DACT3: variants seen among roughly 807,000 people sequenced by gnomAD.
DACT3 encodes dapper homolog 3.
In DACT3, 5 loss-of-function variants were observed where a neutral mutation model predicts 19.6. The observed-to-expected ratio is 0.26, with a 90% CI of 0.13 to 0.54. The LOEUF (loss-of-function observed/expected upper bound fraction) is 0.54, where lower values mean the gene tolerates loss of function less well. Ranked by LOEUF, DACT3 falls within the 20% of genes least tolerant of loss-of-function variation. The pLI, the probability that DACT3 is intolerant of heterozygous loss-of-function variation, is 0.95. For missense variants in DACT3, 908 were observed against 927.4 expected (o/e 0.98, Z 0.27); for synonymous variants, 454 against 428.1 (o/e 1.06, Z -0.75).
At chr19:46,653,539 T>TTTTATTTATTTATTTATTTATTTATTTA (rs113003822) in intron 1 of DACT3, among the ~76,000 whole-genome samples, 312 of 141,214 alleles carry the variant, frequency 2.2e-3, no homozygotes, top group Non-Finnish European at 3.5e-3. Flanking sequence ...CTTTTTTTAT[T>TTTTATTTATTTATTTATTTATTTATTTA]TTTATTTATT....
chr19:46,658,558 C>A (rs528890376), intron 1 of DACT3, among the ~76,000 whole-genome samples: 67 of 152,244 alleles, frequency 4.4e-4, no homozygotes, highest in African/African-American at 1.6e-3. Flanking sequence ...AGACGCCCCC[C>A]AAAAATATTC....
intron 1 of DACT3, chr19:46,654,963 T>G: frequency 1.0e-6 from 1 of 985,298 alleles, no homozygotes; most frequent in Non-Finnish European, 1.2e-6. Context: ...ATTGAGATGC[T>G]CACAGTGAAG....
intron 1 of DACT3, chr19:46,654,994 A>G (rs1599791825): frequency 4.1e-6 from 4 of 985,418 alleles, no homozygotes; most frequent in Non-Finnish European, 4.8e-6. Flanking sequence ...GCGGAACTCA[A>G]AAAAGCAGCT....
chr19:46,653,274 C>T (rs1483537373), intron 1 of DACT3, among the ~76,000 whole-genome samples, 199 bp from the exon 2 acceptor site: 1 of 152,066 alleles, frequency 6.6e-6, no homozygotes, highest in Non-Finnish European at 1.5e-5. Flanking sequence ...TCTGACGTTC[C>T]AACTCCAGTC....
intron 1 of DACT3, chr19:46,654,312 C>G (rs985612462): frequency 7.2e-6 from 5 of 696,760 alleles, no homozygotes; most frequent in Non-Finnish European, 8.8e-6. Flanking sequence ...ATGGTGAAAC[C>G]TTGTCTCCCT....
In DACT3 at chr19:46,649,608, G is replaced by C; in HGVS notation, c.764C>G (p.Ala255Gly). 8.8e-7 allele frequency: 1 copy of C among 1,131,606 alleles called. No homozygotes were observed. The highest frequency in any genetic ancestry group is 1.7e-5 in the African/African-American group (1 of 59,866). The allele number at this position is 1,131,606 out of a possible 1,614,324, so 70.1% of individuals were successfully genotyped here. The change falls in exon 4 of 4, where the codon GCG (alanine) becomes GGG (glycine). Residue 255 changes from alanine to glycine, a missense_variant. Around this residue, in one of 2 missense-constraint regions of DACT3, gnomAD observed 656 missense variants for 601.8 expected, o/e 1.09. Transcript: ENST00000391916. Reference protein sequence around the residue: ...AGRPLDGYISALLRRRRRRGA... With the variant: ...AGRPLDGYISGLLRRRRRRGA... ...CCGGCGGCGGCGCCTGCGCAGGAGC[G>C]CCGAGATGTAGCCGTCCAGGGGCCG...
In DACT3 at chr19:46,647,632, T is replaced by C. The variant is rs999855257; in HGVS notation, c.*850A>G. The C allele has an allele frequency of 1.2e-4, 18 of 152,590 alleles. No homozygotes were observed. Among genetic ancestry groups the C allele is most frequent in the Admixed American group, 1.1e-3 (17 of 15,272 alleles). The allele number at this position is 152,590 out of a possible 1,614,324, so 9.5% of individuals were successfully genotyped here. A position where few individuals can be genotyped will look rare whatever the true frequency, so the allele number is the denominator to read the frequency against. ...CCACATATGTTACACTGTGCATTTA[T>C]TTACAAAGAGGTTAGAGAAACACAC... On this transcript the variant is annotated 3_prime_UTR_variant, in exon 4 of 4. Transcript: ENST00000391916.
At position 46,649,124 on chromosome 19, in the gene DACT3, G is replaced by C; in HGVS notation, c.1248C>G (p.Pro416=). 1 of 1,278,876 alleles carries C rather than the reference G, an allele frequency of 7.8e-7. No individual in the cohort carries two copies. The highest frequency in any genetic ancestry group is 9.9e-7 in the Non-Finnish European group (1 of 1,014,784). The allele number at this position is 1,278,876 out of a possible 1,614,324, so 79.2% of individuals were successfully genotyped here. A position where few individuals can be genotyped will look rare whatever the true frequency, so the allele number is the denominator to read the frequency against. ...MAEASGRRGS[P]RARKASRSQS... Reference sequence around the variant, plus strand: ...GGGAGCGCGAGGCCTTGCGGGCCCTGGGCGAGCCGCGGCGGCCCGAAGCCT... The same window carrying C: ...GGGAGCGCGAGGCCTTGCGGGCCCTCGGCGAGCCGCGGCGGCCCGAAGCCT... Residue 416 remains proline (P), a synonymous_variant, in exon 4 of 4, where the codon CCC becomes CCG. Coordinates refer to ENST00000391916, the MANE Select transcript of DACT3 (RefSeq NM_145056.3).
In DACT3 at chr19:46,649,082, C is replaced by T; in HGVS notation, c.1290G>A (p.Leu430=). Residue 430 remains leucine (L), a synonymous_variant, in exon 4 of 4, where the codon CTG becomes CTA. Transcript: ENST00000391916. ...KASRSQSETS[L]LGRASAVPSG... ...AAGGGACCGCGGAGGCGCGGCCCAG[C>T]AGGCTGGTCTCAGACTGGGAGCGCG... The T allele has an allele frequency of 1.5e-6, 2 of 1,295,124 alleles. No individual in the cohort carries two copies. The highest frequency in any genetic ancestry group is 2.0e-6 in the Non-Finnish European group (2 of 1,023,872). The allele number at this position is 1,295,124 out of a possible 1,614,324, so 80.2% of individuals were successfully genotyped here. A position where few individuals can be genotyped will look rare whatever the true frequency, so the allele number is the denominator to read the frequency against.
intron 1 of DACT3, among the ~76,000 whole-genome samples, chr19:46,658,888 C>G (rs553316490): frequency 6.6e-5 from 10 of 152,154 alleles, no homozygotes; most frequent in Non-Finnish European, 1.3e-4. Flanking sequence ...TTCTTGAGAG[C>G]AAGCAGGACC....
rs1381468950 is a variant in DACT3 at position 46,649,876 on chromosome 19, G to A, written c.500-4C>T. ...GGAGCGCTGGGACTGGCGTCTCCTA[G>A]GGAAGGAAGGCCAAAAAAAAAAAAA... On this transcript the variant is annotated splice_polypyrimidine_tract_variant and splice_region_variant and intron_variant, in intron 3 of 3. Transcript: ENST00000391916. 1.5e-6 allele frequency: 2 copies of A among 1,339,672 alleles called. No individual in the cohort carries two copies. The highest frequency in any genetic ancestry group is 1.9e-6 in the Non-Finnish European group (2 of 1,060,484). The allele number at this position is 1,339,672 out of a possible 1,614,324, so 83.0% of individuals were successfully genotyped here.
In DACT3 at chr19:46,649,877, G is replaced by A. The variant is rs1045092528; in HGVS notation, c.500-5C>T. On this transcript the variant is annotated splice_polypyrimidine_tract_variant and splice_region_variant and intron_variant, in intron 3 of 3. Coordinates refer to ENST00000391916, the MANE Select transcript of DACT3 (RefSeq NM_145056.3). ...GAGCGCTGGGACTGGCGTCTCCTAG[G>A]GAAGGAAGGCCAAAAAAAAAAAAAA... is the stretch of plus-strand genomic sequence containing the variant. 23 of 1,342,710 alleles carry A rather than the reference G, an allele frequency of 1.7e-5. No individual in the cohort carries two copies. The highest frequency in any genetic ancestry group is 4.0e-5 in the African/African-American group (2 of 50,300). The allele number at this position is 1,342,710 out of a possible 1,614,324, so 83.2% of individuals were successfully genotyped here. A position where few individuals can be genotyped will look rare whatever the true frequency, so the allele number is the denominator to read the frequency against.
intron 1 of DACT3, chr19:46,659,438 T>C (rs2053057731): frequency 5.1e-6 from 5 of 984,394 alleles, no homozygotes; most frequent in Non-Finnish European, 6.0e-6. Flanking sequence ...ATGCCTCGCA[T>C]TCTCCTTGTC....
intron 1 of DACT3, among the ~76,000 whole-genome samples, chr19:46,656,247 AT>A (rs1240339841): frequency 6.6e-6 from 1 of 151,378 alleles, no homozygotes; most frequent in Non-Finnish European, 1.5e-5. Flanking sequence ...ACAGGGTTTC[AT>A]CATGTTGGCC....
In DACT3 at chr19:46,648,877, C is replaced by T. The variant is rs1410277520; in HGVS notation, c.1495G>A (p.Val499Ile). Residue 499 changes from valine to isoleucine, a missense_variant, in exon 4 of 4, where the codon GTT (valine) becomes ATT (isoleucine). This residue lies in a region of DACT3 where 656 missense variants were observed against 601.8 expected (regional missense o/e 1.09). Coordinates refer to ENST00000391916, the MANE Select transcript of DACT3 (RefSeq NM_145056.3). This position sits in a 1 kb window ranked among gnomAD's most constrained non-coding sequence, Gnocchi z 5.1. ...GACGGGGACGGGCCGGGGCCGGGAA[C>T]ACGCGCCGCAGGGGCTCGGGGCCGC... ...RVRPRAPAAR[V>I]PGPGPSPSAP... 3.5e-6 allele frequency: 5 copies of T among 1,410,090 alleles called. No individual in the cohort carries two copies. The highest frequency in any genetic ancestry group is 3.1e-5 in the South Asian group (2 of 65,268). The allele number at this position is 1,410,090 out of a possible 1,614,324, so 87.3% of individuals were successfully genotyped here.
chr19:46,659,488 G>A, intron 1 of DACT3: 2 of 985,080 alleles, frequency 2.0e-6, no homozygotes, highest in South Asian at 9.4e-5. Context: ...AGCTTGGGGT[G>A]GGGGGAGCTA....
At chr19:46,656,893 G>A (rs914793013) in intron 1 of DACT3, among the ~76,000 whole-genome samples, 6 of 152,118 alleles carry the variant, frequency 3.9e-5, no homozygotes, top group Non-Finnish European at 5.9e-5. Context: ...CTGCAGTCAC[G>A]CCCAAGTAGT....
rs375337093 is a variant in DACT3 at position 46,660,534 on chromosome 19, G to T, written c.249+282C>A. The T allele has an allele frequency of 5.1e-5, 23 of 448,518 alleles. No individual in the cohort carries two copies. The highest frequency in any genetic ancestry group is 4.7e-4 in the African/African-American group (23 of 48,630). The allele number at this position is 448,518 out of a possible 1,614,324, so 27.8% of individuals were successfully genotyped here. Reference sequence around the variant, plus strand: ...CCGGTCTCGGGTTTGACACATACTTGGCGCCCACAAGGATTTTCTTTGGGG... The same window carrying T: ...CCGGTCTCGGGTTTGACACATACTTTGCGCCCACAAGGATTTTCTTTGGGG... On this transcript the variant is annotated intron_variant, in intron 1 of 3. Coordinates refer to ENST00000391916, the MANE Select transcript of DACT3 (RefSeq NM_145056.3). This position sits in a 1 kb window ranked among gnomAD's most constrained non-coding sequence, Gnocchi z 4.9.
At position 46,649,127 on chromosome 19, in the gene DACT3, C is replaced by T; in HGVS notation, c.1245G>A (p.Ser415=). ...RMAEASGRRG[S]PRARKASRSQ... ...AGCGCGAGGCCTTGCGGGCCCTGGGCGAGCCGCGGCGGCCCGAAGCCTCGG... is the reference window on the plus strand; with the variant it reads ...AGCGCGAGGCCTTGCGGGCCCTGGGTGAGCCGCGGCGGCCCGAAGCCTCGG... Residue 415 remains serine, a synonymous_variant, in exon 4 of 4, where the codon TCG becomes TCA. Transcript: ENST00000391916. 7.9e-7 allele frequency: 1 copy of T among 1,272,966 alleles called. No individual in the cohort carries two copies. The highest frequency in any genetic ancestry group is 3.4e-5 in the East Asian group (1 of 29,386). 78.9% of individuals were successfully genotyped at this position (1,272,966 alleles called of 1,614,324 possible).
Sources: gnomAD v4.1 joint callset for allele counts (sites outside exome capture counted in the v4.1 genomes callset) on GRCh38, gnomAD v4.1.1 for gene constraint, gnomAD v4.1.1 regional missense constraint, Gnocchi (gnomAD v3.1) non-coding constraint, MANE v1.5 for transcripts, NCBI Gene and HGNC (gene_info 2026-07-23, HGNC 2026-07-21) for gene names.